Variants in PRELID2 observed in about 807,000 individuals in gnomAD.
The protein encoded by PRELID2 is PRELI domain containing 2, also known as PRELI domain-containing protein 2.
A neutral mutation model predicts 28.4 loss-of-function variants in PRELID2; 25 were observed. The observed-to-expected ratio is 0.88, with a 90% CI of 0.64 to 1.23. The LOEUF is 1.23. PRELID2 is among the 50% of genes most tolerant of loss of function. The pLI is 0.00. For synonymous variants in PRELID2, 76 were observed against 71.6 expected (o/e 1.06, Z -0.31); for missense variants, 201 against 214.4 (o/e 0.94, Z 0.39).
chr5:145,317,596 C>T, the PRELID2 span, among the ~76,000 whole-genome samples: 39,916 of 152,090 alleles, frequency 0.26, 5,608 homozygotes, highest in East Asian at 0.58. Flanking sequence ...GAGAAACTGG[C>T]ACAAGACTGG....
intron 6 of PRELID2, among the ~76,000 whole-genome samples, chr5:145,761,743 G>A (rs1349669975): frequency 1.3e-5 from 2 of 152,162 alleles, no homozygotes; most frequent in Non-Finnish European, 2.9e-5. Flanking sequence ...ATAAAAGCAG[G>A]CAGCCGGCTA....
intron 1 of PRELID2, among the ~76,000 whole-genome samples, chr5:145,604,177 A>G (rs892252016): frequency 1.3e-5 from 2 of 152,188 alleles, no homozygotes; most frequent in South Asian, 4.1e-4. Context: ...GGTCTGATGT[A>G]CAGATTATTT....
At chr5:145,656,751 A>G (rs1350802038) in intron 1 of PRELID2, among the ~76,000 whole-genome samples, 1 of 110,630 alleles carries the variant, frequency 9.0e-6, no homozygotes, top group Non-Finnish European at 1.8e-5. Flanking sequence ...AGGGCCTGTC[A>G]TGGGGTGGGG....
At chr5:145,795,538 G>C (rs1360122307) in intron 5 of PRELID2, 1 of 152,056 alleles carries the variant, frequency 6.6e-6, no homozygotes, top group Non-Finnish European at 1.5e-5. Context: ...AGGGTCCATT[G>C]CCAGGAAGTC....
the PRELID2 span, among the ~76,000 whole-genome samples, chr5:145,360,432 C>T: frequency 1.3e-5 from 2 of 151,868 alleles, no homozygotes; most frequent in Admixed American, 1.3e-4. Context: ...AAAGGAAAGA[C>T]GAAGGTCCAG....
At chr5:145,482,073 A>T (rs1309983165) in intron 1 of PRELID2, among the ~76,000 whole-genome samples, 2 of 151,916 alleles carry the variant, frequency 1.3e-5, no homozygotes, top group East Asian at 3.9e-4. Flanking sequence ...AGGGACGTGG[A>T]CTCCTTTCAT....
the PRELID2 span, among the ~76,000 whole-genome samples, chr5:145,233,751 C>T: frequency 1.2e-4 from 19 of 152,220 alleles, no homozygotes; most frequent in African/African-American, 4.3e-4. Flanking sequence ...TAGTATCACC[C>T]CCTACTGAGT....
At chr5:145,284,176 T>C in the PRELID2 span, among the ~76,000 whole-genome samples, 10 of 152,332 alleles carry the variant, frequency 6.6e-5, no homozygotes, top group Admixed American at 6.5e-4. Context: ...GCTTAGCACA[T>C]TGTCTGACAC....
At chr5:145,415,229 CT>C in the PRELID2 span, among the ~76,000 whole-genome samples, 6 of 151,194 alleles carry the variant, frequency 4.0e-5, no homozygotes, top group Non-Finnish European at 8.9e-5. Flanking sequence ...CTGAATGACT[CT>C]TTTTTTTGTT....
chr5:145,799,025 A>AAT (rs532556100), intron 4 of PRELID2, among the ~76,000 whole-genome samples: 4,310 of 147,974 alleles, frequency 0.029, 80 homozygotes, highest in African/African-American at 0.049. Context: ...AGTATAATAA[A>AAT]ATATATATAT....
intron 1 of PRELID2, among the ~76,000 whole-genome samples, chr5:145,552,177 G>A (rs79455422): frequency 1.6e-4 from 24 of 151,956 alleles, no homozygotes; most frequent in African/African-American, 4.4e-4. Context: ...AACAGCCTCC[G>A]GATCACACAT....
At chr5:145,653,932 AC>A (rs1489385228) in intron 1 of PRELID2, among the ~76,000 whole-genome samples, 1 of 152,170 alleles carries the variant, frequency 6.6e-6, no homozygotes, top group Non-Finnish European at 1.5e-5. Flanking sequence ...GACATAAAAA[AC>A]CCTTCAAAAA....
intron 1 of PRELID2, among the ~76,000 whole-genome samples, chr5:145,547,165 A>G (rs1407762510): frequency 6.6e-6 from 1 of 152,200 alleles, no homozygotes; most frequent in South Asian, 2.1e-4. Flanking sequence ...TTGACAGCTA[A>G]TTAGAAAACA....
At chr5:145,245,336 T>A in the PRELID2 span, among the ~76,000 whole-genome samples, 3 of 152,204 alleles carry the variant, frequency 2.0e-5, no homozygotes, top group Admixed American at 1.3e-4. Flanking sequence ...ATCCTTCTAT[T>A]CCTTCTGTTA....
intron 1 of PRELID2, among the ~76,000 whole-genome samples, chr5:145,609,906 G>T (rs1400870579): frequency 3.3e-5 from 5 of 152,190 alleles, no homozygotes; most frequent in African/African-American, 1.2e-4. Flanking sequence ...AGCTGGTACT[G>T]GGCCTTGTCT....
chr5:145,618,381 A>G (rs1483344166), intron 1 of PRELID2, among the ~76,000 whole-genome samples: 1 of 152,090 alleles, frequency 6.6e-6, no homozygotes. Context: ...TGTTCCCTTG[A>G]TGTAGTATTC....
At chr5:145,275,320 A>G in the PRELID2 span, among the ~76,000 whole-genome samples, 2 of 152,074 alleles carry the variant, frequency 1.3e-5, no homozygotes, top group Admixed American at 1.3e-4. Flanking sequence ...TTGTATATAA[A>G]CACATTATTT....
At chr5:145,687,396 G>A (rs1755058103) in intron 1 of PRELID2, among the ~76,000 whole-genome samples, 1 of 152,124 alleles carries the variant, frequency 6.6e-6, no homozygotes, top group Admixed American at 6.5e-5. Flanking sequence ...CAAGATAACT[G>A]GCCTGGACTC....
the PRELID2 span, among the ~76,000 whole-genome samples, chr5:145,248,092 T>A: frequency 6.6e-6 from 1 of 152,158 alleles, no homozygotes; most frequent in Admixed American, 6.5e-5. Context: ...TGATAGATAA[T>A]AATAAAATAT....
Sources: allele counts gnomAD v4.1 joint callset (sites outside exome capture counted in the v4.1 genomes callset), GRCh38; gene constraint gnomAD v4.1.1; transcripts MANE v1.5; gene names NCBI Gene and HGNC (gene_info 2026-07-23, HGNC 2026-07-21).